Variants in GPM6A observed in about 807,000 individuals in gnomAD.
GPM6A encodes neuronal membrane glycoprotein M6-a.
Under a neutral mutation model 32.1 loss-of-function variants are expected in GPM6A, and 7 were observed. The ratio of observed to expected loss-of-function variants is 0.22; its 90% CI spans 0.12 to 0.41. The LOEUF (loss-of-function observed/expected upper bound fraction) is 0.41, where lower values mean the gene tolerates loss of function less well. Among genes scored for constraint, GPM6A ranks in the 10% least tolerant of loss-of-function variants. The pLI is 1.00. For missense variants in GPM6A, 235 were observed against 347.2 expected, an observed-to-expected ratio of 0.68 and a Z score of 2.57; for synonymous variants, 130 against 123.4, an observed-to-expected ratio of 1.05 and a Z score of -0.35.
At chr4:175,756,692 T>A (rs982832) in intron 1 of GPM6A, among the ~76,000 whole-genome samples, 130 of 152,212 alleles carry the variant, frequency 8.5e-4, no homozygotes, top group Admixed American at 1.8e-3. Context: ...GAACTAGGTA[T>A]ATGAACTTAT....
chr4:175,732,858 C>A (rs921585516), intron 1 of GPM6A, among the ~76,000 whole-genome samples: 1 of 151,970 alleles, frequency 6.6e-6, no homozygotes, highest in African/African-American at 2.4e-5. Flanking sequence ...AGATTTAACA[C>A]CTATTAAGCC....
chr4:175,974,500 C>T lies in GPM6A; in HGVS notation c.-23+27809G>A, dbSNP rs376450325. On this transcript the variant is annotated intron_variant, in intron 1 of 7. Coordinates refer to the GPM6A transcript ENST00000280187. ...CCTCCTGAGTAGCTGGGATTACAGG[C>T]GTGAGCCACCATGCCCAGCCCTAAA... Among the ~76,000 whole-genome samples, 75 of 151,920 alleles carry T rather than the reference C, an allele frequency of 4.9e-4. 1 individual carries two copies. In the South Asian group the frequency reaches 0.013, roughly 27 times the overall value.
chr4:175,782,530 A>T (rs1361184682), intron 1 of GPM6A, among the ~76,000 whole-genome samples: 7 of 152,218 alleles, frequency 4.6e-5, no homozygotes, highest in Admixed American at 4.6e-4. Context: ...TACTTTGTTC[A>T]TCATTGTTTT....
intron 2 of GPM6A, among the ~76,000 whole-genome samples, chr4:175,686,490 G>T (rs1478797253): frequency 6.6e-6 from 1 of 152,168 alleles, no homozygotes; most frequent in African/African-American, 2.4e-5. Flanking sequence ...GATACAGGGA[G>T]GGGGTTCAGA....
chr4:175,858,468 G>T (rs993961535), intron 1 of GPM6A, among the ~76,000 whole-genome samples: 1 of 151,572 alleles, frequency 6.6e-6, no homozygotes, highest in Non-Finnish European at 1.5e-5. Context: ...GGAGGAGGAG[G>T]TTGCAGTGAT....
In GPM6A at chr4:175,837,232, C is replaced by G. The variant is rs577789851; in HGVS notation, c.-22-24983G>C. On this transcript the variant is annotated intron_variant, in intron 1 of 7. Transcript: ENST00000280187. ...GGGAACCTCTAGAAAGTGGAGAAGG[C>G]AAGAGAACAGATTCTCTCCTAGAGC... is the stretch of plus-strand genomic sequence containing the variant. Among the ~76,000 whole-genome samples the G allele has an allele frequency of 2.4e-3, 360 of 152,222 alleles. 3 individuals carry two copies. Among genetic ancestry groups the G allele is most frequent in the African/African-American group, 8.2e-3 (340 of 41,544 alleles).
chr4:175,983,218 G>T (rs954577850), intron 1 of GPM6A, among the ~76,000 whole-genome samples: 2 of 152,160 alleles, frequency 1.3e-5, no homozygotes, highest in Non-Finnish European at 2.9e-5. Context: ...TCTTCAAGTG[G>T]CTGTGATTAT....
chr4:175,880,180 A>G (rs1243122766), intron 1 of GPM6A, among the ~76,000 whole-genome samples: 1 of 152,172 alleles, frequency 6.6e-6, no homozygotes, highest in African/African-American at 2.4e-5. Flanking sequence ...CAGGTTTGTC[A>G]AAGATCAGGT....
intron 1 of GPM6A, among the ~76,000 whole-genome samples, chr4:175,823,004 G>T (rs1295955056): frequency 6.6e-6 from 1 of 152,106 alleles, no homozygotes; most frequent in Non-Finnish European, 1.5e-5. Flanking sequence ...ACTAACTGCA[G>T]CTAAAATGTT....
At chr4:175,710,849 T>C (rs937746138) in intron 1 of GPM6A, among the ~76,000 whole-genome samples, 2 of 152,208 alleles carry the variant, frequency 1.3e-5, no homozygotes, top group African/African-American at 4.8e-5. Flanking sequence ...CAGAGTCCTT[T>C]AGAGTCCTGA....
At chr4:175,812,816 G>T, upstream of GPM6A, 1 of 985,194 alleles carries the variant, frequency 1.0e-6, no homozygotes, top group Middle Eastern at 5.2e-4. Flanking sequence ...AGTCAGATAC[G>T]TTGCAAAAAA....
chr4:175,869,418 A>G (rs2111435459), intron 1 of GPM6A, among the ~76,000 whole-genome samples: 1 of 152,278 alleles, frequency 6.6e-6, no homozygotes, highest in Middle Eastern at 3.4e-3. Flanking sequence ...CCCAGGAAGT[A>G]AGTTAATCAC....
intron 1 of GPM6A, among the ~76,000 whole-genome samples, chr4:175,890,782 C>T (rs1380224796): frequency 6.6e-6 from 1 of 152,050 alleles, no homozygotes; most frequent in Non-Finnish European, 1.5e-5. Flanking sequence ...TCTCAAACCC[C>T]TGACCTCAAG....
At chr4:175,734,904 T>C (rs983167156) in intron 1 of GPM6A, among the ~76,000 whole-genome samples, 1 of 152,138 alleles carries the variant, frequency 6.6e-6, no homozygotes, top group Non-Finnish European at 1.5e-5. Flanking sequence ...ATTCCTTATT[T>C]GAGCCCTTTT....
intron 1 of GPM6A, among the ~76,000 whole-genome samples, chr4:175,819,629 A>G (rs1362255383): frequency 6.6e-6 from 1 of 152,194 alleles, no homozygotes; most frequent in African/African-American, 2.4e-5. Context: ...CAAAAAGATT[A>G]AATTCTTTGT....
intron 1 of GPM6A, among the ~76,000 whole-genome samples, chr4:175,962,710 A>G (rs1561013518): frequency 6.6e-6 from 1 of 152,148 alleles, no homozygotes. Context: ...GACAGACCAA[A>G]AAAACCCACA....
chr4:175,702,546 G>A (rs528053764), intron 1 of GPM6A, among the ~76,000 whole-genome samples: 1 of 152,194 alleles, frequency 6.6e-6, no homozygotes, highest in South Asian at 2.1e-4. Flanking sequence ...ACAGAGTCTG[G>A]CTCTGTTGCC....
chr4:175,894,683 A>G (rs189403037), intron 1 of GPM6A, among the ~76,000 whole-genome samples: 161 of 152,330 alleles, frequency 1.1e-3, no homozygotes, highest in Non-Finnish European at 1.4e-3. Flanking sequence ...TATTTTTAAT[A>G]GTAAAACCAC....
chr4:175,716,343 T>G (rs2111104375), intron 1 of GPM6A, among the ~76,000 whole-genome samples: 1 of 152,312 alleles, frequency 6.6e-6, no homozygotes, highest in East Asian at 1.9e-4. Context: ...CACAATTTTG[T>G]GTTTTCCTCC....
Sources: allele counts gnomAD v4.1 joint callset (sites outside exome capture counted in the v4.1 genomes callset), GRCh38; gene constraint gnomAD v4.1.1; transcripts MANE v1.5; gene names NCBI Gene and HGNC (gene_info 2026-07-23, HGNC 2026-07-21).